Variants in SHANK2 observed in about 807,000 individuals in gnomAD.
SHANK2 encodes SH3 and multiple ankyrin repeat domains 2.
In SHANK2, 43 loss-of-function variants were observed where a neutral mutation model predicts 133.7. The ratio of observed to expected loss-of-function variants is 0.32; its 90% confidence interval spans 0.25 to 0.41. SHANK2 has a LOEUF of 0.41. Ranked by LOEUF, SHANK2 falls within the 10% of genes least tolerant of loss-of-function variation. SHANK2 has a pLI of 1.00. For missense variants in SHANK2, 1,994 were observed against 2,235.8 expected, an observed-to-expected ratio of 0.89 and a Z score of 2.18; for synonymous variants, 1,017 against 952.8, an observed-to-expected ratio of 1.07 and a Z score of -1.24.
At chr11:71,248,338 C>G (rs564518221) in intron 1 of SHANK2, among the ~76,000 whole-genome samples, 9 of 152,232 alleles carry the variant, frequency 5.9e-5, no homozygotes, top group Admixed American at 1.3e-4. Flanking sequence ...ACCTGCTGAC[C>G]GCAGCGCGAT....
chr11:70,639,423 G>T (rs1383984717), intron 17 of SHANK2, among the ~76,000 whole-genome samples: 1 of 152,118 alleles, frequency 6.6e-6, no homozygotes, highest in Non-Finnish European at 1.5e-5. Context: ...AGGGGCAAAG[G>T]GGCTCTCTGG....
chr11:70,867,203 AG>A (rs1257993273), intron 11 of SHANK2, among the ~76,000 whole-genome samples: 2 of 151,594 alleles, frequency 1.3e-5, no homozygotes, highest in Admixed American at 6.6e-5. Flanking sequence ...TAGAATACGA[AG>A]GTGCCATCCT....
chr11:70,535,859 G>C lies in SHANK2; in HGVS notation c.2062-32928C>G, dbSNP rs552985460. Among the ~76,000 whole-genome samples the C allele has an allele frequency of 7.2e-4, 110 of 152,360 alleles. No homozygotes were observed. The highest frequency in any genetic ancestry group is 1.6e-3 in the Admixed American group (24 of 15,314). On this transcript the variant is annotated intron_variant, in intron 17 of 25. Transcript: ENST00000601538. This position sits in a 1 kb window ranked among gnomAD's most constrained non-coding sequence, Gnocchi z 4.3. ...AAGCTTGGGAGCCTGAGAAGAAGGT[G>C]TCAGGGCCTGGTAAGCTGTGGGGGA...
At chr11:71,244,993 T>C (rs1039037993) in intron 1 of SHANK2, among the ~76,000 whole-genome samples, 2 of 147,370 alleles carry the variant, frequency 1.4e-5, no homozygotes, top group Non-Finnish European at 3.0e-5. Context: ...TGTGAGCCAC[T>C]GCACTATTTT....
intron 15 of SHANK2, among the ~76,000 whole-genome samples, chr11:70,662,936 C>T (rs1020568461): frequency 6.6e-6 from 1 of 152,102 alleles, no homozygotes; most frequent in Non-Finnish European, 1.5e-5. Flanking sequence ...CCCCCCGCCC[C>T]GTAGGACTCT....
chr11:71,225,581 A>G (rs1555122077), intron 1 of SHANK2, among the ~76,000 whole-genome samples: 1 of 152,190 alleles, frequency 6.6e-6, no homozygotes, highest in Non-Finnish European at 1.5e-5. Context: ...TAATACAAAT[A>G]TGTCCAAGTT....
intron 17 of SHANK2, among the ~76,000 whole-genome samples, chr11:70,653,787 C>T (rs2061369894): frequency 6.6e-6 from 1 of 152,144 alleles, no homozygotes; most frequent in South Asian, 2.1e-4. Flanking sequence ...GCACATGCCA[C>T]CATGCCCAGC....
At chr11:70,878,767 C>G (rs933879546) in intron 11 of SHANK2, among the ~76,000 whole-genome samples, 1 of 152,198 alleles carries the variant, frequency 6.6e-6, no homozygotes, top group African/African-American at 2.4e-5. Flanking sequence ...TGCTGCGCTA[C>G]CCAGGGCTCA....
chr11:71,239,915 G>A (rs970609529), intron 1 of SHANK2, among the ~76,000 whole-genome samples: 10 of 152,156 alleles, frequency 6.6e-5, no homozygotes, highest in South Asian at 2.1e-4. Context: ...GCTACGTCTC[G>A]CAGGGCGTCT....
intron 15 of SHANK2, among the ~76,000 whole-genome samples, chr11:70,663,965 G>T (rs1335034446): frequency 1.3e-5 from 2 of 152,202 alleles, no homozygotes; most frequent in African/African-American, 4.8e-5. Context: ...GATCACCATG[G>T]GGTCAGATGA....
chr11:70,503,109 G>A (rs188161926), intron 17 of SHANK2, among the ~76,000 whole-genome samples, 178 bp from the exon 18 acceptor site: 12 of 152,318 alleles, frequency 7.9e-5, no homozygotes, highest in Non-Finnish European at 1.5e-4. Flanking sequence ...CAGAATGAAT[G>A]CTGCTGTGAC....
chr11:70,715,146 T>C (rs183489560), intron 14 of SHANK2, among the ~76,000 whole-genome samples: 1 of 152,152 alleles, frequency 6.6e-6, no homozygotes, highest in Non-Finnish European at 1.5e-5. Context: ...CAGAGGTGAG[T>C]GGTGCCCTGT....
At chr11:70,723,299 G>GTCTCTCTCTC (rs57815500) in intron 14 of SHANK2, among the ~76,000 whole-genome samples, 21,206 of 145,654 alleles carry the variant, frequency 0.15, 1,722 homozygotes, top group African/African-American at 0.19. Flanking sequence ...TGGAGGGTCT[G>GTCTCTCTCTC]TCTCTCTCTC....
chr11:70,914,313 C>A (rs1394505020), intron 10 of SHANK2, among the ~76,000 whole-genome samples: 3 of 151,984 alleles, frequency 2.0e-5, no homozygotes, highest in Non-Finnish European at 4.4e-5. Flanking sequence ...CAGGTAGAAT[C>A]CACCTGGCAC....
chr11:71,221,394 G>A (rs1308908506), intron 2 of SHANK2, among the ~76,000 whole-genome samples: 3 of 152,252 alleles, frequency 2.0e-5, no homozygotes, highest in Admixed American at 6.5e-5. Flanking sequence ...TGGCCGGAGC[G>A]CAGGTGCAGA....
rs57298370 is a variant in SHANK2, at chr11:70,819,016, A to G, written c.1493+1348T>C. On this transcript the variant is annotated intron_variant, in intron 12 of 25. Coordinates refer to ENST00000601538, the MANE Select transcript of SHANK2 (RefSeq NM_012309.5). ...GACATCCCTGACCTTAGCTGGCAAC[A>G]GAGCATGACCCAGGCCTGCAAGACT... 2.7e-3 allele frequency among the ~76,000 whole-genome samples: 414 copies of G among 152,338 alleles called. 1 individual carries two copies. The highest frequency in any genetic ancestry group is 9.7e-3 in the African/African-American group (404 of 41,590).
At chr11:70,678,833 G>A (rs1370164402) in intron 15 of SHANK2, among the ~76,000 whole-genome samples, 2 of 152,090 alleles carry the variant, frequency 1.3e-5, no homozygotes, top group African/African-American at 2.4e-5. Flanking sequence ...GACCCACTGC[G>A]CCCAGCCCAG....
At chr11:71,128,680 C>A (rs1302574795) in intron 3 of SHANK2, among the ~76,000 whole-genome samples, 1 of 152,210 alleles carries the variant, frequency 6.6e-6, no homozygotes, top group Non-Finnish European at 1.5e-5. Context: ...TCTTCCCGTC[C>A]CTCCTACTCC....
intron 6 of SHANK2, among the ~76,000 whole-genome samples, chr11:71,098,801 C>T (rs1315589846): frequency 6.6e-6 from 1 of 152,162 alleles, no homozygotes; most frequent in Non-Finnish European, 1.5e-5. Flanking sequence ...ACTTCTCTGT[C>T]CTCAGGGGGT....
Sources: allele counts gnomAD v4.1 joint callset (sites outside exome capture counted in the v4.1 genomes callset), GRCh38; gene constraint gnomAD v4.1.1; non-coding constraint Gnocchi (gnomAD v3.1); transcripts MANE v1.5; gene names NCBI Gene and HGNC (gene_info 2026-07-23, HGNC 2026-07-21).